DCC: variants seen among roughly 807,000 people sequenced by gnomAD.
DCC encodes DCC netrin 1 receptor, also known as netrin receptor DCC.
A neutral mutation model predicts 172.5 loss-of-function variants in DCC; 58 were observed. That is an observed-to-expected ratio of 0.34 (90% CI 0.27 to 0.42). DCC has a LOEUF of 0.42. Among genes scored for constraint, DCC ranks in the 10% least tolerant of loss-of-function variants. The pLI is 1.00. For missense variants in DCC, 1,740 were observed against 1,791.0 expected (o/e 0.97, Z 0.51); for synonymous variants, 709 against 644.5 (o/e 1.10, Z -1.52).
chr18:52,890,861 A>T (rs967338919), intron 2 of DCC, among the ~76,000 whole-genome samples: 1 of 152,138 alleles, frequency 6.6e-6, no homozygotes, highest in East Asian at 1.9e-4. Context: ...ACAAACTTTG[A>T]TTCAAAGCAA....
chr18:52,353,008 C>T (rs1010910474), intron 1 of DCC, among the ~76,000 whole-genome samples: 4 of 152,154 alleles, frequency 2.6e-5, no homozygotes, highest in African/African-American at 9.7e-5. Context: ...TGCCTCTATT[C>T]TTCACAATTG....
Position 52,433,983 on chromosome 18 carries a change from A to G in DCC, c.91+93105A>G, listed in dbSNP as rs188930494. ...AAATCACACATGTAGGTCCAAGGGA[A>G]AAAAGTGCCATGTAAGCAGTAGTTC... On this transcript the variant is annotated intron_variant, in intron 1 of 28. Transcript: ENST00000442544. 5.9e-5 allele frequency among the ~76,000 whole-genome samples: 9 copies of G among 152,346 alleles called. No homozygotes were observed. In the East Asian group the frequency reaches 1.7e-3, roughly 29 times the overall value.
Position 53,477,829 on chromosome 18 carries a change from A to C in DCC, c.3737-8968A>C, listed in dbSNP as rs115076127. 7.7e-3 allele frequency among the ~76,000 whole-genome samples: 1,170 copies of C among 152,304 alleles called. 15 individuals carry two copies. The highest frequency in any genetic ancestry group is 0.027 in the African/African-American group (1,125 of 41,570). On this transcript the variant is annotated intron_variant, in intron 25 of 28. Coordinates refer to ENST00000442544, the MANE Select transcript of DCC (RefSeq NM_005215.4). The stretch of plus-strand genomic sequence containing the variant: ...TTCACAGTAAAATTAGCTGAGGCTC[A>C]TGAAAAACATGCCAGCTGACAGCAC...
rs148705836 is a variant in DCC at position 53,283,179 on chromosome 18, A to G, written c.1912-22399A>G. On this transcript the variant is annotated intron_variant, in intron 12 of 28. Transcript: ENST00000442544. ...GCATCATAAAGCTTAAAGCAAAAAG[A>G]ATAGCATTCAGCCATAATTGATGAA... Among the ~76,000 whole-genome samples, 8 of 152,324 alleles carry G rather than the reference A, an allele frequency of 5.3e-5. No homozygotes were observed. In the East Asian group the frequency reaches 1.3e-3, roughly 26 times the overall value.
At chr18:52,787,300 T>C (rs78438683) in intron 2 of DCC, among the ~76,000 whole-genome samples, 267 of 152,248 alleles carry the variant, frequency 1.8e-3, no homozygotes, top group African/African-American at 6.0e-3. Context: ...ATTGAAAACC[T>C]GCATTTGCAA....
chr18:53,050,327 C>T (rs1055984488), intron 5 of DCC, among the ~76,000 whole-genome samples: 1 of 152,010 alleles, frequency 6.6e-6, no homozygotes, highest in Non-Finnish European at 1.5e-5. Flanking sequence ...TTTTTTGCAT[C>T]CTTCAATCCA....
intron 11 of DCC, among the ~76,000 whole-genome samples, chr18:53,212,789 A>T (rs568092139): frequency 2.6e-5 from 4 of 151,912 alleles, no homozygotes; most frequent in Admixed American, 2.6e-4. Context: ...TCCTGCCTCA[A>T]CCTCTGGAGT....
intron 16 of DCC, among the ~76,000 whole-genome samples, chr18:53,387,936 A>C (rs897158174): frequency 3.9e-5 from 6 of 152,220 alleles, no homozygotes; most frequent in African/African-American, 1.4e-4. Context: ...AAGGTGAAAG[A>C]ATTCAAATAA....
intron 2 of DCC, among the ~76,000 whole-genome samples, chr18:52,753,704 G>T (rs1247899343): frequency 1.3e-5 from 2 of 152,058 alleles, no homozygotes; most frequent in African/African-American, 4.8e-5. Context: ...TTTTCACCTG[G>T]ATACACTGAA....
chr18:53,261,490 T>C (rs559427706), intron 12 of DCC, among the ~76,000 whole-genome samples: 1 of 152,132 alleles, frequency 6.6e-6, no homozygotes, highest in African/African-American at 2.4e-5. Context: ...CCTCTGTCAG[T>C]CAGATCACCA....
chr18:52,815,285 G>A (rs1192551264), intron 2 of DCC, among the ~76,000 whole-genome samples: 2 of 152,116 alleles, frequency 1.3e-5, no homozygotes, highest in African/African-American at 2.4e-5. Context: ...TGGAAATAGG[G>A]CCTATAAGGA....
intron 17 of DCC, among the ~76,000 whole-genome samples, chr18:53,396,472 A>G (rs888515059): frequency 6.6e-6 from 1 of 152,220 alleles, no homozygotes; most frequent in South Asian, 2.1e-4. Context: ...AATTCAGAAG[A>G]CTTCAATAAT....
chr18:53,241,922 A>T (rs1408889513), intron 12 of DCC, among the ~76,000 whole-genome samples: 1 of 152,176 alleles, frequency 6.6e-6, no homozygotes, highest in Non-Finnish European at 1.5e-5. Context: ...CAGTAATAGT[A>T]TTCAATCAGG....
rs1568294134 is a variant in DCC at position 53,085,989 on chromosome 18, C to CT, written c.1261+19824dup. On this transcript the variant is annotated intron_variant, in intron 7 of 28. Coordinates refer to ENST00000442544, the MANE Select transcript of DCC (RefSeq NM_005215.4). Reference sequence around the variant, plus strand: ...TCTTCTTCTTCTTCTTCTTCTTCTTCTCCTTCTCCTTCTTCTCCTTCTCCT... The same window carrying CT: ...TCTTCTTCTTCTTCTTCTTCTTCTTCTTCCTTCTCCTTCTTCTCCTTCTCCT... 1.4e-4 allele frequency among the ~76,000 whole-genome samples: 8 copies of CT among 55,938 alleles called. 1 individual carries two copies. In the African/African-American group the frequency reaches 1.5e-3, roughly 11 times the overall value. The allele number at this position is 55,938 out of a possible 152,430, so 36.7% of individuals were successfully genotyped here.
At chr18:53,011,127 A>G (rs1208679103) in intron 5 of DCC, among the ~76,000 whole-genome samples, 4 of 151,508 alleles carry the variant, frequency 2.6e-5, no homozygotes, top group Non-Finnish European at 4.4e-5. Context: ...ACTCTGACTG[A>G]AAGCAAAAAC....
At chr18:53,497,709 T>C (rs956526894) in intron 26 of DCC, among the ~76,000 whole-genome samples, 4 of 152,232 alleles carry the variant, frequency 2.6e-5, no homozygotes, top group Non-Finnish European at 2.9e-5. Context: ...GTGCCTTGTA[T>C]AACACCTACC....
intron 27 of DCC, among the ~76,000 whole-genome samples, chr18:53,504,919 T>C (rs1206326744): frequency 6.6e-6 from 1 of 151,254 alleles, no homozygotes; most frequent in Non-Finnish European, 1.5e-5. Flanking sequence ...TGTTTTTTTG[T>C]TTGTTTGTTT....
At chr18:52,720,831 T>A (rs1274506092) in intron 1 of DCC, among the ~76,000 whole-genome samples, 1 of 152,200 alleles carries the variant, frequency 6.6e-6, no homozygotes, top group Non-Finnish European at 1.5e-5. Flanking sequence ...GACCCCTTCC[T>A]CGGGATTTCT....
chr18:53,151,491 A>G (rs1407867014), intron 7 of DCC, among the ~76,000 whole-genome samples: 1 of 152,170 alleles, frequency 6.6e-6, no homozygotes, highest in East Asian at 1.9e-4. Context: ...TTCATTATTC[A>G]TTTTTATCTA....
Sources: gnomAD v4.1 joint callset for allele counts (sites outside exome capture counted in the v4.1 genomes callset) on GRCh38, gnomAD v4.1.1 for gene constraint, MANE v1.5 for transcripts, NCBI Gene and HGNC (gene_info 2026-07-23, HGNC 2026-07-21) for gene names.